Variants in ABCB4 observed in about 807,000 individuals in gnomAD.
ABCB4 encodes phosphatidylcholine translocator ABCB4.
Under a neutral mutation model 145.7 loss-of-function variants are expected in ABCB4, and 76 were observed. The ratio of observed to expected loss-of-function variants is 0.52; its 90% CI spans 0.43 to 0.63. ABCB4 has a LOEUF of 0.63. Among genes scored for constraint, ABCB4 ranks in the 30% least tolerant of loss-of-function variants. The pLI, the probability that ABCB4 is intolerant of heterozygous loss-of-function variation, is 0.00. For synonymous variants in ABCB4, 517 were observed against 566.8 expected (o/e 0.91, Z 1.25); for missense variants, 1,234 against 1,553.1 (o/e 0.79, Z 3.45).
At chr7:87,382,050 T>C in the ABCB4 span, 12 of 1,580,484 alleles carry the variant, frequency 7.6e-6, no homozygotes, top group Non-Finnish European at 9.5e-6. Flanking sequence ...AGATAAAATA[T>C]TTTTAAGTCT....
At chr7:87,371,465 T>A in the ABCB4 span, among the ~76,000 whole-genome samples, 1 of 152,242 alleles carries the variant, frequency 6.6e-6, no homozygotes, top group African/African-American at 2.4e-5. Context: ...TTGTTTCCAT[T>A]TGTTGCTATA....
At chr7:87,470,554 G>A (rs529877534) in intron 3 of ABCB4, among the ~76,000 whole-genome samples, 1 of 152,286 alleles carries the variant, frequency 6.6e-6, no homozygotes, top group Non-Finnish European at 1.5e-5. Context: ...ACAAGTGGGT[G>A]AAGGATATGA....
chr7:87,423,938 C>T lies in ABCB4; in HGVS notation c.2179G>A (p.Ala727Thr), dbSNP rs546758628. The change falls in exon 17 of 28, where the codon GCA (alanine) becomes ACA (threonine). Residue 727 changes from alanine to threonine, a missense_variant. Physicochemically the swap from Ala to Thr is moderately conservative, Grantham distance 58. This residue lies in a region of ABCB4 where 321 missense variants were observed against 332.6 expected (regional missense o/e 0.97). Transcript: ENST00000649586. ...CAIANGGLQP[A>T]FSVIFSEIIA... ...ATCTCTGAGAATATGACTGAAAATG[C>T]CGGCTGAAGCCCCCCATTGGCAATG... 2 of 1,614,050 alleles carry T rather than the reference C, an allele frequency of 1.2e-6. No individual in the cohort carries two copies. The highest frequency in any genetic ancestry group is 1.3e-5 in the African/African-American group (1 of 75,034).
At chr7:87,446,046 A>G (rs4148824) in intron 9 of ABCB4, among the ~76,000 whole-genome samples, 43,934 of 152,126 alleles carry the variant, frequency 0.29, 8,271 homozygotes, top group African/African-American at 0.54. Context: ...AAGAAAGGGT[A>G]GCAAGCTTCC....
intron 25 of ABCB4, among the ~76,000 whole-genome samples, chr7:87,407,615 G>T (rs1259005085): frequency 6.6e-6 from 1 of 152,192 alleles, no homozygotes; most frequent in Non-Finnish European, 1.5e-5. Flanking sequence ...CAAAGTCAAA[G>T]TTCGAGAGCC....
In ABCB4 at chr7:87,467,568, C is replaced by G. The variant is rs1813008212; in HGVS notation, c.136-4660G>C. On this transcript the variant is annotated intron_variant, in intron 3 of 27. Transcript: ENST00000649586. ...ACCTAATAGACATCTACAGAACTCTCCACCCCAAATCAACAGAATATACAT... is the reference window on the plus strand; with the variant it reads ...ACCTAATAGACATCTACAGAACTCTGCACCCCAAATCAACAGAATATACAT... Among the ~76,000 whole-genome samples, 3 of 152,322 alleles carry G rather than the reference C, an allele frequency of 2.0e-5. No individual in the cohort carries two copies. The South Asian group carries it at 6.2e-4, about 32-fold the overall frequency.
chr7:87,399,186 T>A (rs1807665667), downstream of ABCB4: 1 of 153,244 alleles, frequency 6.5e-6, no homozygotes, highest in African/African-American at 2.4e-5. Flanking sequence ...CTAAAATAAC[T>A]TTTTTGGGCT....
chr7:87,474,309 G>A (rs1332331636), intron 2 of ABCB4, among the ~76,000 whole-genome samples: 2 of 152,148 alleles, frequency 1.3e-5, no homozygotes, highest in East Asian at 3.8e-4. Flanking sequence ...TTTCTATTGC[G>A]TGTGTAAGTA....
At chr7:87,422,476 G>A (rs542009687) in intron 17 of ABCB4, among the ~76,000 whole-genome samples, 12 of 151,932 alleles carry the variant, frequency 7.9e-5, no homozygotes, top group South Asian at 2.1e-4. Flanking sequence ...AGAACTTTTC[G>A]CCTTCCCAAA....
At chr7:87,466,544 G>C (rs1285622864) in intron 3 of ABCB4, among the ~76,000 whole-genome samples, 1 of 152,124 alleles carries the variant, frequency 6.6e-6, no homozygotes, top group Non-Finnish European at 1.5e-5. Context: ...AGGAAATACA[G>C]AGAACACCAC....
chr7:87,435,613 C>A (rs1027196146), intron 14 of ABCB4, among the ~76,000 whole-genome samples: 5 of 152,234 alleles, frequency 3.3e-5, no homozygotes, highest in African/African-American at 1.2e-4. Context: ...CCATCCCCAA[C>A]TGCCAGGCAC....
the ABCB4 span, among the ~76,000 whole-genome samples, chr7:87,395,149 G>A: frequency 1.3e-5 from 2 of 152,156 alleles, no homozygotes; most frequent in African/African-American, 4.8e-5. Flanking sequence ...AAGCTGAGGG[G>A]CAAGAAAGCC....
the ABCB4 span, among the ~76,000 whole-genome samples, chr7:87,373,287 G>GT: frequency 6.6e-6 from 1 of 151,834 alleles, no homozygotes; most frequent in African/African-American, 2.4e-5. Flanking sequence ...AAATTAGTTT[G>GT]TTTTTTTATT....
chr7:87,460,392 G>T (rs1334828212), intron 4 of ABCB4, among the ~76,000 whole-genome samples: 1 of 152,182 alleles, frequency 6.6e-6, no homozygotes, highest in African/African-American at 2.4e-5. Flanking sequence ...CTGTCACCCA[G>T]GTAGTGAGCA....
chr7:87,368,483 C>T, the ABCB4 span, among the ~76,000 whole-genome samples: 1 of 152,082 alleles, frequency 6.6e-6, no homozygotes. Context: ...AAGGAAAACA[C>T]ATATCTCATC....
At chr7:87,460,344 G>T (rs889432273) in intron 4 of ABCB4, among the ~76,000 whole-genome samples, 8 of 152,062 alleles carry the variant, frequency 5.3e-5, no homozygotes, top group African/African-American at 1.7e-4. Flanking sequence ...GTTACATGGG[G>T]ATACTGTGTG....
chr7:87,375,971 CT>C, the ABCB4 span: 3,142 of 1,288,944 alleles, frequency 2.4e-3, no homozygotes, highest in South Asian at 5.4e-3. Flanking sequence ...ACTACCTTCT[CT>C]TTTTTTTTTT....
intron 18 of ABCB4, among the ~76,000 whole-genome samples, chr7:87,421,867 T>C (rs966932756): frequency 5.9e-5 from 9 of 152,234 alleles, no homozygotes; most frequent in Non-Finnish European, 1.2e-4. Flanking sequence ...GTTACTCTTA[T>C]GTTCTGCAGT....
chr7:87,401,338 A>G (rs1297252831), downstream of ABCB4, among the ~76,000 whole-genome samples: 1 of 152,190 alleles, frequency 6.6e-6, no homozygotes, highest in Non-Finnish European at 1.5e-5. Context: ...GGGGTTGTCT[A>G]TATTTTTTGC....
Sources: gnomAD v4.1 joint callset for allele counts (sites outside exome capture counted in the v4.1 genomes callset) on GRCh38, gnomAD v4.1.1 for gene constraint, gnomAD v4.1.1 regional missense constraint, MANE v1.5 for transcripts, NCBI Gene and HGNC (gene_info 2026-07-23, HGNC 2026-07-21) for gene names.